Variants in CAMTA2 observed in about 807,000 individuals in gnomAD.
CAMTA2 encodes the protein calmodulin-binding transcription activator 2.
CAMTA2 carries 56 observed loss-of-function variants against 135.7 expected under a neutral mutation model. The ratio of observed to expected loss-of-function variants is 0.41; its 90% CI spans 0.33 to 0.52. The LOEUF is 0.52. Among genes scored for constraint, CAMTA2 ranks in the 20% least tolerant of loss-of-function variants. The pLI is 0.16. For synonymous variants in CAMTA2, 591 were observed against 604.6 expected (o/e 0.98, Z 0.33); for missense variants, 1,358 against 1,553.4 (o/e 0.87, Z 2.11).
Position 4,974,472 on chromosome 17 carries a change from C to T in CAMTA2, c.1929G>A (p.Glu643=). The change falls in exon 12 of 23, where the codon GAG becomes GAA. Residue 643 remains glutamate (E), a synonymous_variant. Transcript: ENST00000348066. ...DDNQFRMSIL[E]RLEQMEKRMA... is the part of the protein sequence containing the mutation. ...TCCGCTTCTCCATCTGCTCCAGTCG[C>T]TCTAGTATGGACATCCGGAACTGGT... 6.2e-7 allele frequency: 1 copy of T among 1,613,956 alleles called. No homozygotes were observed. Among genetic ancestry groups the T allele is most frequent in the Non-Finnish European group, 8.5e-7 (1 of 1,179,842 alleles).
At chr17:4,973,089 T>G in intron 14 of CAMTA2, 86 bp downstream of exon 14, 2 of 1,503,698 alleles carry the variant, frequency 1.3e-6, no homozygotes, top group South Asian at 1.1e-5. Flanking sequence ...CCCACCCCAC[T>G]CCCTGCATTC....
Position 4,973,124 on chromosome 17 carries a change from T to G in CAMTA2, c.2280+51A>C, listed in dbSNP as rs753053484. 8.5e-6 allele frequency: 13 copies of G among 1,534,724 alleles called. No individual in the cohort carries two copies. In the East Asian group the frequency reaches 2.9e-4, roughly 34 times the overall value. ...CCTCAGGATCTTCCTTTTCAAGGGC[T>G]GTTCCCATTGCTCCCTGCCCCATAT... On this transcript the variant is annotated intron_variant, in intron 14 of 22. Coordinates refer to ENST00000348066, the MANE Select transcript of CAMTA2 (RefSeq NM_015099.4).
At chr17:4,984,416 T>C (rs1973143089) in intron 3 of CAMTA2, among the ~76,000 whole-genome samples, 1 of 152,202 alleles carries the variant, frequency 6.6e-6, no homozygotes, top group Admixed American at 6.5e-5. Flanking sequence ...GTTAGTGCCC[T>C]ACAAGGCAGG....
Position 4,980,040 on chromosome 17 carries a change from G to A in CAMTA2, c.1282C>T (p.Pro428Ser). 6.2e-7 allele frequency: 1 copy of A among 1,612,752 alleles called. No homozygotes were observed. Among genetic ancestry groups the A allele is most frequent in the Non-Finnish European group, 8.5e-7 (1 of 1,178,998 alleles). Reference protein sequence around the residue: ...ALEPQAAARGPPPQSVAGGRR... With the variant: ...ALEPQAAARGSPPQSVAGGRR... ...CCACCTGCTACTGACTGTGGTGGGG[G>A]ACCCCGAGCAGCTGCCTGGGGCTCC... The change falls in exon 9 of 23, where the codon CCC (proline) becomes TCC (serine). Residue 428 changes from proline to serine, a missense_variant. This residue lies in a region of CAMTA2 where 1,077 missense variants were observed against 1,127.5 expected (regional missense o/e 0.96). Transcript: ENST00000348066. The surrounding 1 kb of genome is among the most constrained non-coding windows in gnomAD (Gnocchi z 5.3).
chr17:4,969,860 A>T lies in CAMTA2; in HGVS notation c.3189+42T>A, dbSNP rs1312063320. 1.2e-6 allele frequency: 2 copies of T among 1,608,394 alleles called. No homozygotes were observed. Among genetic ancestry groups the T allele is most frequent in the African/African-American group, 2.7e-5 (2 of 74,816 alleles). The stretch of plus-strand genomic sequence containing the variant: ...AGCCCTGGGAGCCCAGTCTCCCCTG[A>T]CTGGAGATTGTGTAATTCATCCTGA... On this transcript the variant is annotated intron_variant, in intron 18 of 22. Transcript: ENST00000348066. The surrounding 1 kb of genome is among the most constrained non-coding windows in gnomAD (Gnocchi z 5.6).
intron 10 of CAMTA2, among the ~76,000 whole-genome samples, chr17:4,978,133 T>C (rs1335900025): frequency 6.6e-6 from 1 of 152,218 alleles, no homozygotes; most frequent in Non-Finnish European, 1.5e-5. Context: ...TTCTTTCTCA[T>C]TCCCCCTGGA....
In CAMTA2 at chr17:4,981,773, T is replaced by C. The variant is rs770000808; in HGVS notation, c.470A>G (p.Lys157Arg). Residue 157 changes from lysine to arginine, a missense_variant, in exon 7 of 23, where the codon AAG (lysine) becomes AGG (arginine). Transcript: ENST00000348066. Reference sequence around the variant, plus strand: ...GGAACAAAAGATGGGGCTGCAGCCCTTTCCACAGTCCTCCAGGGCTGGGAC... The same window carrying C: ...GGAACAAAAGATGGGGCTGCAGCCCCTTCCACAGTCCTCCAGGGCTGGGAC... The part of the protein sequence containing the change: ...LNVPALEDCG[K>R]GCSPIFCSIS... 1.1e-5 allele frequency: 17 copies of C among 1,613,476 alleles called. No homozygotes were observed. The East Asian group carries it at 1.3e-4, about 13-fold the overall frequency.
At chr17:4,979,365 C>A (rs1268468005) in intron 9 of CAMTA2, 3 of 184,976 alleles carry the variant, frequency 1.6e-5, no homozygotes, top group Non-Finnish European at 3.4e-5. Context: ...CAAAAATTAG[C>A]CGGGCGTGGT....
In CAMTA2 at chr17:4,969,746, A is replaced by T; in HGVS notation, c.3190-45T>A. ...ACCACCTCATGACCCACATAATGGC[A>T]TATCTGACTTGTCCCTTCAACTTTC... On this transcript the variant is annotated intron_variant, in intron 18 of 22. Transcript: ENST00000348066. The surrounding 1 kb of genome is among the most constrained non-coding windows in gnomAD (Gnocchi z 5.6). The T allele has an allele frequency of 6.2e-7, 1 of 1,610,434 alleles. No individual in the cohort carries two copies. The highest frequency in any genetic ancestry group is 1.7e-4 in the Middle Eastern group (1 of 5,988).
chr17:4,973,529 C>A, intron 13 of CAMTA2, 56 bp downstream of exon 13: 1 of 1,528,802 alleles, frequency 6.5e-7, no homozygotes. Context: ...CTCTTCAGTC[C>A]CCTGACACTT....
chr17:4,979,966 C>T lies in CAMTA2; in HGVS notation c.1356G>A (p.Glu452=), dbSNP rs769854072. 42 of 1,613,344 alleles carry T rather than the reference C, an allele frequency of 2.6e-5. No individual in the cohort carries two copies. Among genetic ancestry groups the T allele is most frequent in the Non-Finnish European group, 3.5e-5 (41 of 1,179,966 alleles). ...FFIQDDDSGE[E]LKGHGAAPPI... ...GTGGGGCAGCCCCGTGACCCTTGAG[C>T]TCCTCCCCACTGTCATCATCTTGGA... The change falls in exon 9 of 23, where the codon GAG becomes GAA. Residue 452 remains glutamate (E), a synonymous_variant. Transcript: ENST00000348066.
At chr17:4,982,196 G>A (rs749097229) in intron 5 of CAMTA2, 36 bp from the exon 6 acceptor site, 1 of 1,100,218 alleles carries the variant, frequency 9.1e-7, no homozygotes, top group Non-Finnish European at 1.4e-6. Context: ...GGGAGGGCTA[G>A]TCTGCTCCCC....
At chr17:4,968,865 C>T (rs1269655392) in intron 22 of CAMTA2, 42 bp downstream of exon 22, 1 of 1,612,366 alleles carries the variant, frequency 6.2e-7, no homozygotes, top group Non-Finnish European at 8.5e-7. Context: ...CGGATCACGA[C>T]GGGTGGCAAC....
chr17:4,973,333 T>C, intron 13 of CAMTA2, 80 bp from the exon 14 acceptor site: 1 of 1,186,048 alleles, frequency 8.4e-7, no homozygotes, highest in South Asian at 1.2e-5. Flanking sequence ...GTAAAGGCAC[T>C]AGGAGGCAAG....
In CAMTA2 at chr17:4,978,933, CA is replaced by C. The variant is rs532561949; in HGVS notation, c.1639-304del. ...TTCTGTTCTTGGGCTAATTCACCCCCACTGTACTTCCTCCTTTTCCTCTCAA... is the reference window on the plus strand; with the variant it reads ...TTCTGTTCTTGGGCTAATTCACCCCCCTGTACTTCCTCCTTTTCCTCTCAA... On this transcript the variant is annotated intron_variant, in intron 9 of 22. Coordinates refer to ENST00000348066, the MANE Select transcript of CAMTA2 (RefSeq NM_015099.4). 2.4e-4 allele frequency among the ~76,000 whole-genome samples: 36 copies of C among 152,330 alleles called. No individual in the cohort carries two copies. The East Asian group carries it at 5.8e-3, about 24-fold the overall frequency.
chr17:4,980,696 A>G lies in CAMTA2; in HGVS notation c.701-75T>C. The G allele has an allele frequency of 1.7e-6, 2 of 1,167,226 alleles. No homozygotes were observed. Among genetic ancestry groups the G allele is most frequent in the Middle Eastern group, 2.5e-4 (1 of 3,980 alleles). 72.3% of individuals were successfully genotyped at this position (1,167,226 alleles called of 1,614,324 possible). On this transcript the variant is annotated intron_variant, in intron 8 of 22. Transcript: ENST00000348066. This position sits in a 1 kb window ranked among gnomAD's most constrained non-coding sequence, Gnocchi z 5.3. The stretch of plus-strand genomic sequence containing the variant: ...CACCTTCTCTACCTTGAGGCCCTTA[A>G]AAGTATTTCCTGGGACGTCCCTATA...
chr17:4,976,059 G>A (rs577208835), intron 11 of CAMTA2, among the ~76,000 whole-genome samples: 4 of 152,138 alleles, frequency 2.6e-5, no homozygotes, highest in Non-Finnish European at 5.9e-5. Flanking sequence ...AGGCTGGAGT[G>A]CAGTGGCACA....
chr17:4,972,327 C>T lies in CAMTA2; in HGVS notation c.2713G>A (p.Gly905Arg), dbSNP rs750831335. The stretch of plus-strand genomic sequence containing the variant: ...AGGGCAGGAAGGGAGGAGAGGGGCC[C>T]CTTGGAGTTGGTAGCCTCATAGTCC... ...LMDYEATNSKGPLSSLPALPP... is the reference protein window; with the variant it reads ...LMDYEATNSKRPLSSLPALPP... The change falls in exon 16 of 23, where the codon GGG becomes AGG. Residue 905 changes from glycine (G) to arginine (R), a missense_variant. Physicochemically the swap from Gly to Arg is moderately radical, Grantham distance 125. Around this residue, in one of 4 missense-constraint regions of CAMTA2, gnomAD observed 1,077 missense variants for 1,127.5 expected, o/e 0.96. Coordinates refer to ENST00000348066, the MANE Select transcript of CAMTA2 (RefSeq NM_015099.4). 1.2e-6 allele frequency: 2 copies of T among 1,613,736 alleles called. No individual in the cohort carries two copies. The highest frequency in any genetic ancestry group is 1.1e-5 in the South Asian group (1 of 91,058).
Position 4,968,065 on chromosome 17 carries a change from G to A in CAMTA2, c.*691C>T, listed in dbSNP as rs1972021214. Reference sequence around the variant, plus strand: ...TGCACAAGTAGAAAGTGCCCGTGGAGCCGGCAGGAGGCCCCCGCCGCGCTA... The same window carrying A: ...TGCACAAGTAGAAAGTGCCCGTGGAACCGGCAGGAGGCCCCCGCCGCGCTA... On this transcript the variant is annotated 3_prime_UTR_variant, in exon 23 of 23. Transcript: ENST00000348066. 9 of 510,974 alleles carry A rather than the reference G, an allele frequency of 1.8e-5. No individual in the cohort carries two copies. Among genetic ancestry groups the A allele is most frequent in the Non-Finnish European group, 3.2e-5 (9 of 285,686 alleles). 31.7% of individuals were successfully genotyped at this position (510,974 alleles called of 1,614,324 possible). A position where few individuals can be genotyped will look rare whatever the true frequency, so the allele number is the denominator to read the frequency against.
Sources: gnomAD v4.1 joint callset for allele counts (sites outside exome capture counted in the v4.1 genomes callset) on GRCh38, gnomAD v4.1.1 for gene constraint, gnomAD v4.1.1 regional missense constraint, Gnocchi (gnomAD v3.1) non-coding constraint, MANE v1.5 for transcripts, NCBI Gene and HGNC (gene_info 2026-07-23, HGNC 2026-07-21) for gene names.